SLC13A3: variants seen among roughly 807,000 people sequenced by gnomAD.
SLC13A3 encodes the protein solute carrier family 13 member 3.
A neutral mutation model predicts 59.0 loss-of-function variants in SLC13A3; 40 were observed. That is an observed-to-expected ratio of 0.68 (90% CI 0.53 to 0.88). The LOEUF is 0.88. Among genes scored for constraint, SLC13A3 ranks in the 40% least tolerant of loss-of-function variants. The probability of loss-of-function intolerance (pLI) is 0.00; values close to 1 mark genes in which losing one functional copy is unlikely to be tolerated. For missense variants in SLC13A3, 699 were observed against 783.2 expected (o/e 0.89, Z 1.28); for synonymous variants, 317 against 330.3 (o/e 0.96, Z 0.44).
intron 3 of SLC13A3, 39 bp downstream of exon 3, chr20:46,610,407 C>A: frequency 1.3e-6 from 2 of 1,576,078 alleles, no homozygotes; most frequent in Admixed American, 1.8e-5. Flanking sequence ...ACTTCCAAAT[C>A]CTGGTGGATT....
chr20:46,634,853 T>C (rs16991663), intron 1 of SLC13A3, among the ~76,000 whole-genome samples: 13,041 of 152,078 alleles, frequency 0.086, 829 homozygotes, highest in East Asian at 0.21. Context: ...GTCCAGCTGG[T>C]TCCTTCATCT....
At chr20:46,637,065 C>T (rs1283486530) in intron 1 of SLC13A3, among the ~76,000 whole-genome samples, 2 of 152,144 alleles carry the variant, frequency 1.3e-5, no homozygotes, top group Non-Finnish European at 2.9e-5. Context: ...TCCCAAAGTG[C>T]TAGGATTACA....
intron 3 of SLC13A3, among the ~76,000 whole-genome samples, chr20:46,610,031 G>A (rs903414468): frequency 6.6e-5 from 10 of 152,144 alleles, no homozygotes; most frequent in African/African-American, 2.4e-4. Flanking sequence ...TGTCAACATG[G>A]GGATTCATCA....
chr20:46,599,231 G>A (rs1288886421), intron 4 of SLC13A3, among the ~76,000 whole-genome samples: 2 of 152,234 alleles, frequency 1.3e-5, no homozygotes, highest in Admixed American at 6.5e-5. Flanking sequence ...CTGGCTCATC[G>A]TAAGCTCCCA....
chr20:46,664,898 G>A (rs544116170), intron 1 of SLC13A3, among the ~76,000 whole-genome samples: 1 of 152,306 alleles, frequency 6.6e-6, no homozygotes, highest in Admixed American at 6.5e-5. Flanking sequence ...GCATCATCAA[G>A]GAACTGGAGT....
At chr20:46,629,266 A>G (rs2062711761) in intron 1 of SLC13A3, among the ~76,000 whole-genome samples, 1 of 152,228 alleles carries the variant, frequency 6.6e-6, no homozygotes, top group Non-Finnish European at 1.5e-5. Flanking sequence ...CAGAAATTTG[A>G]GTCCAGCCTG....
At chr20:46,676,787 C>T (rs6094422) in intron 1 of SLC13A3, among the ~76,000 whole-genome samples, 3,621 of 151,900 alleles carry the variant, frequency 0.024, 58 homozygotes, top group Middle Eastern at 0.048. Flanking sequence ...TCCTGGGCTG[C>T]GTGGAAACAG....
intron 1 of SLC13A3, among the ~76,000 whole-genome samples, chr20:46,661,913 C>T (rs147876647): frequency 8.1e-4 from 124 of 152,224 alleles, no homozygotes; most frequent in South Asian, 2.3e-3. Context: ...CCTTCTTATC[C>T]CTCCTTTTAT....
intron 1 of SLC13A3, among the ~76,000 whole-genome samples, chr20:46,679,625 G>A (rs1158986615): frequency 6.6e-6 from 1 of 150,920 alleles, no homozygotes; most frequent in Admixed American, 6.6e-5. Flanking sequence ...AAAAAAAAAA[G>A]GGGGTGGGGG....
intron 9 of SLC13A3, among the ~76,000 whole-genome samples, chr20:46,581,727 G>A (rs1430360865): frequency 6.6e-6 from 1 of 152,170 alleles, no homozygotes; most frequent in African/African-American, 2.4e-5. Context: ...AGAAGCCACG[G>A]GGATCAGACA....
At chr20:46,621,026 G>A (rs1338185072) in intron 1 of SLC13A3, among the ~76,000 whole-genome samples, 4 of 152,246 alleles carry the variant, frequency 2.6e-5, no homozygotes, top group Non-Finnish European at 5.9e-5. Context: ...TCCGGTCAAA[G>A]CAAAAGTGAA....
intron 4 of SLC13A3, among the ~76,000 whole-genome samples, chr20:46,598,600 C>A (rs1030794326): frequency 6.6e-6 from 1 of 152,200 alleles, no homozygotes; most frequent in Admixed American, 6.5e-5. Context: ...CTGAACCAAT[C>A]ACAGAACTCA....
intron 5 of SLC13A3, 107 bp downstream of exon 5, chr20:46,596,050 C>A (rs6011994): frequency 2.2e-5 from 23 of 1,049,626 alleles, no homozygotes; most frequent in Middle Eastern, 3.2e-4. Flanking sequence ...TTCCCAGAGC[C>A]TGGCCCAGAG....
intron 1 of SLC13A3, among the ~76,000 whole-genome samples, chr20:46,681,325 T>C (rs1425126146): frequency 6.6e-6 from 1 of 151,720 alleles, no homozygotes; most frequent in Non-Finnish European, 1.5e-5. Flanking sequence ...TAAGGTGGCG[T>C]TGAGTGAATA....
chr20:46,666,847 G>T (rs1420625831), intron 1 of SLC13A3, among the ~76,000 whole-genome samples: 1 of 152,004 alleles, frequency 6.6e-6, no homozygotes, highest in Non-Finnish European at 1.5e-5. Context: ...TTTTTAGAAA[G>T]CTCTCTGTTT....
chr20:46,642,447 G>A (rs978896732), intron 1 of SLC13A3, among the ~76,000 whole-genome samples: 6 of 152,186 alleles, frequency 3.9e-5, no homozygotes, highest in African/African-American at 9.7e-5. Context: ...GAAGTACCCA[G>A]CATAACACCT....
chr20:46,644,540 A>G (rs574027503), intron 1 of SLC13A3, among the ~76,000 whole-genome samples: 108 of 152,374 alleles, frequency 7.1e-4, no homozygotes, highest in Middle Eastern at 3.4e-3. Flanking sequence ...TCTGAGACAC[A>G]CATTTTGCAT....
chr20:46,647,260 A>T (rs562716007), intron 1 of SLC13A3, among the ~76,000 whole-genome samples: 1 of 152,268 alleles, frequency 6.6e-6, no homozygotes, highest in Non-Finnish European at 1.5e-5. Flanking sequence ...TTCTCAGAGC[A>T]TCTTTAGAGT....
upstream of SLC13A3, among the ~76,000 whole-genome samples, chr20:46,654,915 T>G (rs922227822): frequency 1.3e-5 from 2 of 152,216 alleles, no homozygotes; most frequent in African/African-American, 4.8e-5. Flanking sequence ...AGGTCTTGAT[T>G]TCCCCTTGGT....
Sources: gnomAD v4.1 joint callset for allele counts (sites outside exome capture counted in the v4.1 genomes callset) on GRCh38, gnomAD v4.1.1 for gene constraint, MANE v1.5 for transcripts, NCBI Gene and HGNC (gene_info 2026-07-23, HGNC 2026-07-21) for gene names.